The following VPS13B variants were observed in gnomAD, a reference collection of about 807,000 sequenced individuals.
VPS13B encodes vacuolar protein sorting 13 homolog B, also known as intermembrane lipid transfer protein VPS13B.
A neutral mutation model predicts 426.4 loss-of-function variants in VPS13B; 285 were observed. The observed-to-expected ratio is 0.67, with a 90% CI of 0.61 to 0.74. The LOEUF (loss-of-function observed/expected upper bound fraction) is 0.74, where lower values mean the gene tolerates loss of function less well. Ranked by LOEUF, VPS13B falls within the 30% of genes least tolerant of loss-of-function variation. The probability of loss-of-function intolerance (pLI) is 0.00; values close to 1 mark genes in which losing one functional copy is unlikely to be tolerated. For missense variants in VPS13B, 4,537 were observed against 4,782.6 expected, an observed-to-expected ratio of 0.95 and a Z score of 1.51; for synonymous variants, 1,676 against 1,676.4, an observed-to-expected ratio of 1.00 and a Z score of 0.01.
At chr8:99,835,880 C>A in intron 54 of VPS13B, 142 bp downstream of exon 54, 1 of 843,436 alleles carries the variant, frequency 1.2e-6, no homozygotes, top group Non-Finnish European at 1.9e-6. Flanking sequence ...TCCATTTTTA[C>A]GTCCTCATTA....
intron 2 of VPS13B, among the ~76,000 whole-genome samples, chr8:99,024,305 A>G (rs186455806): frequency 3.9e-5 from 6 of 152,320 alleles, no homozygotes; most frequent in Admixed American, 6.5e-5. Context: ...CATGTGTGCT[A>G]TTGAGTTGTT....
chr8:99,412,237 T>C (rs1159659601), intron 21 of VPS13B, among the ~76,000 whole-genome samples: 1 of 152,224 alleles, frequency 6.6e-6, no homozygotes, highest in Non-Finnish European at 1.5e-5. Flanking sequence ...GTGTCCTCTC[T>C]TATTTCGTTG....
At chr8:99,393,067 T>C (rs536085238) in intron 21 of VPS13B, among the ~76,000 whole-genome samples, 1 of 151,998 alleles carries the variant, frequency 6.6e-6, no homozygotes, top group Non-Finnish European at 1.5e-5. Context: ...AAAATAAATG[T>C]CCATTAGTGA....
At chr8:99,820,261 GTTC>G (rs749339387) in intron 49 of VPS13B, 139 bp downstream of exon 49, 15 of 786,088 alleles carry the variant, frequency 1.9e-5, no homozygotes, top group Non-Finnish European at 3.1e-5. Flanking sequence ...GGTATGGAAT[GTTC>G]TTTGATATTC....
At chr8:99,589,772 C>T (rs1826514507) in intron 33 of VPS13B, among the ~76,000 whole-genome samples, 1 of 152,116 alleles carries the variant, frequency 6.6e-6, no homozygotes, top group South Asian at 2.1e-4. Flanking sequence ...CATCAATGTT[C>T]ATCAGGGATA....
At position 99,014,110 on chromosome 8, in the gene VPS13B, CTTTT is replaced by C. The variant is rs1211028912; in HGVS notation, c.147+197_147+200del. Reference sequence around the variant, plus strand: ...TACACTATTTTCTTTTTCTTTCTTTCTTTTTTTTTTTTTTTTTTTTTTTTTGAGA... The same window carrying C: ...TACACTATTTTCTTTTTCTTTCTTTCTTTTTTTTTTTTTTTTTTTTTGAGA... On this transcript the variant is annotated intron_variant, in intron 2 of 61. Coordinates refer to ENST00000357162, the MANE Select transcript of VPS13B (RefSeq NM_152564.5). Among the ~76,000 whole-genome samples the C allele has an allele frequency of 8.6e-4, 62 of 72,308 alleles. No individual in the cohort carries two copies. In the Middle Eastern group the frequency reaches 0.076, roughly 88 times the overall value. 47.4% of individuals were successfully genotyped at this position (72,308 alleles called of 152,430 possible). A position where few individuals can be genotyped will look rare whatever the true frequency, so the allele number is the denominator to read the frequency against.
In VPS13B at chr8:99,861,875, G is replaced by A. The variant is rs141566041; in HGVS notation, c.11144G>A (p.Arg3715Gln). The A allele has an allele frequency of 4.4e-5, 71 of 1,596,708 alleles. No homozygotes were observed. Among genetic ancestry groups the A allele is most frequent in the African/African-American group, 1.6e-4 (12 of 74,764 alleles). ...CACTACAACCGGCAGGAGGAGTGGC[G>A]GCGGCAGCTCCCCGAGAGCCTGGGC... ...EEHYNRQEEW[R>Q]RQLPESLGEG... The change falls in exon 58 of 62, where the codon CGG becomes CAG. Residue 3715 changes from arginine to glutamine, a missense_variant. Physicochemically the swap from Arg to Gln is conservative, Grantham distance 43. Around this residue, in one of 2 missense-constraint regions of VPS13B, gnomAD observed 4,311 missense variants for 4,474.3 expected, o/e 0.96. Coordinates refer to ENST00000357162, the MANE Select transcript of VPS13B (RefSeq NM_152564.5).
At chr8:99,166,473 G>GT (rs1284790952) in intron 15 of VPS13B, among the ~76,000 whole-genome samples, 2 of 152,146 alleles carry the variant, frequency 1.3e-5, no homozygotes, top group Non-Finnish European at 2.9e-5. Flanking sequence ...GCTGTAGTTG[G>GT]TTTTTGTTCT....
chr8:99,519,363 A>G (rs539957259), intron 29 of VPS13B, among the ~76,000 whole-genome samples: 92 of 152,168 alleles, frequency 6.0e-4, no homozygotes, highest in Non-Finnish European at 1.1e-3. Context: ...GGGACTGTAA[A>G]CTAGTTCTAC....
intron 33 of VPS13B, among the ~76,000 whole-genome samples, chr8:99,586,806 C>T (rs1826320848): frequency 6.6e-6 from 1 of 152,112 alleles, no homozygotes; most frequent in Admixed American, 6.6e-5. Context: ...CTACCATTGA[C>T]ACTCTTCCCA....
intron 21 of VPS13B, among the ~76,000 whole-genome samples, chr8:99,406,466 A>G (rs1815338433): frequency 6.6e-6 from 1 of 152,156 alleles, no homozygotes; most frequent in South Asian, 2.1e-4. Flanking sequence ...GATGTCCTAT[A>G]ACTTTTCATA....
intron 2 of VPS13B, among the ~76,000 whole-genome samples, chr8:99,028,841 GGGGGC>G (rs1563492353): frequency 0.025 from 10 of 402 alleles, no homozygotes; most frequent in Admixed American, 0.14. Context: ...TGGCCGGGCG[GGGGGC>G]TGACCCCTTA....
intron 17 of VPS13B, among the ~76,000 whole-genome samples, chr8:99,208,904 T>A (rs1021894047): frequency 3.9e-5 from 6 of 152,188 alleles, no homozygotes; most frequent in African/African-American, 1.4e-4. Flanking sequence ...TGAAGATATT[T>A]TTACAAGGCT....
intron 3 of VPS13B, among the ~76,000 whole-genome samples, chr8:99,046,345 G>T (rs904819299): frequency 6.6e-6 from 1 of 151,978 alleles, no homozygotes; most frequent in East Asian, 1.9e-4. Flanking sequence ...TCTCAGCTTG[G>T]TTGCTGTTGG....
At chr8:99,286,653 A>G (rs765906925) in intron 19 of VPS13B, among the ~76,000 whole-genome samples, 22 of 152,164 alleles carry the variant, frequency 1.4e-4, no homozygotes, top group Admixed American at 1.2e-3. Flanking sequence ...GGTGCAGAGT[A>G]ACATAGAGTC....
At chr8:99,589,626 T>A (rs887228036) in intron 33 of VPS13B, among the ~76,000 whole-genome samples, 3 of 151,756 alleles carry the variant, frequency 2.0e-5, no homozygotes, top group Non-Finnish European at 4.4e-5. Context: ...TTCGGTTGGT[T>A]CCAAGTCTTT....
intron 23 of VPS13B, among the ~76,000 whole-genome samples, chr8:99,453,902 A>G (rs926838452): frequency 6.6e-6 from 1 of 152,010 alleles, no homozygotes; most frequent in Non-Finnish European, 1.5e-5. Context: ...TTACTAGAGG[A>G]CTCACTCTGG....
At chr8:99,831,314 A>G (rs1045261861) in intron 51 of VPS13B, among the ~76,000 whole-genome samples, 1 of 151,388 alleles carries the variant, frequency 6.6e-6, no homozygotes, top group Non-Finnish European at 1.5e-5. Context: ...CTCGTGATCC[A>G]CCTGCCTCAG....
At chr8:99,451,744 C>T (rs1029664950) in intron 23 of VPS13B, among the ~76,000 whole-genome samples, 2 of 152,160 alleles carry the variant, frequency 1.3e-5, no homozygotes, top group African/African-American at 4.8e-5. Flanking sequence ...TATAACTCTT[C>T]ACTTCCTTTA....
Sources: allele counts gnomAD v4.1 joint callset (sites outside exome capture counted in the v4.1 genomes callset), GRCh38; gene constraint gnomAD v4.1.1; regional missense constraint gnomAD v4.1.1; transcripts MANE v1.5; gene names NCBI Gene and HGNC (gene_info 2026-07-23, HGNC 2026-07-21).